The following DEPDC1 variants were observed in gnomAD, a reference collection of about 807,000 sequenced individuals.
The protein encoded by DEPDC1 is DEP domain containing 1.
DEPDC1 carries 66 observed loss-of-function variants against 86.8 expected under a neutral mutation model. That is an observed-to-expected ratio of 0.76 (90% CI 0.62 to 0.93). The LOEUF is 0.93. DEPDC1 is among the 40% of genes least tolerant of loss of function. DEPDC1 has a pLI of 0.00. For missense variants in DEPDC1, 792 were observed against 935.7 expected, an observed-to-expected ratio of 0.85 and a Z score of 2.00; for synonymous variants, 255 against 314.9, an observed-to-expected ratio of 0.81 and a Z score of 2.02.
rs752914529 is a variant in DEPDC1, at chr1:68,476,409, T to C, written c.*523A>G. 2 of 151,672 alleles carry C rather than the reference T, an allele frequency of 1.3e-5. No homozygotes were observed. The highest frequency in any genetic ancestry group is 3.0e-5 in the Non-Finnish European group (2 of 67,752). 9.4% of individuals were successfully genotyped at this position (151,672 alleles called of 1,614,324 possible). On this transcript the variant is annotated 3_prime_UTR_variant, in exon 12 of 12. Transcript: ENST00000456315. ...AATATACACATATTTTAAAAACACA[T>C]ACATATATATAAATAGATCAAAAGT...
chr1:68,481,628 ACCCCCCC>A lies in DEPDC1; in HGVS notation c.1763-23_1763-17del. 1 of 1,465,708 alleles carries A rather than the reference ACCCCCCC, an allele frequency of 6.8e-7. No individual in the cohort carries two copies. The highest frequency in any genetic ancestry group is 1.2e-5 in the South Asian group (1 of 82,000). 90.8% of individuals were successfully genotyped at this position (1,465,708 alleles called of 1,614,324 possible). A position where few individuals can be genotyped will look rare whatever the true frequency, so the allele number is the denominator to read the frequency against. ...TGCAGCAAGCCTAGAATACAAAAAT[ACCCCCCC>A]AAAAATCATCAATGACACTAGTTGC... On this transcript the variant is annotated splice_polypyrimidine_tract_variant and intron_variant, in intron 8 of 11. Transcript: ENST00000456315.
chr1:68,480,818 GA>G lies in DEPDC1; in HGVS notation c.1935+621del, dbSNP rs556551640. On this transcript the variant is annotated intron_variant, in intron 9 of 11. Coordinates refer to ENST00000456315, the MANE Select transcript of DEPDC1 (RefSeq NM_001114120.3). Reference sequence around the variant, plus strand: ...CATAACTCCGGATTCCTTGCTATAAGAACCTCTTGTAAATTGAAGTTGCATT... The same window carrying G: ...CATAACTCCGGATTCCTTGCTATAAGACCTCTTGTAAATTGAAGTTGCATT... Among the ~76,000 whole-genome samples the G allele has an allele frequency of 7.8e-4, 118 of 151,738 alleles. 1 individual carries two copies. The South Asian group carries it at 0.011, about 14-fold the overall frequency.
rs1418015170 is a variant in DEPDC1, at chr1:68,476,242, T to G, written c.*690A>C. 2 of 151,854 alleles carry G rather than the reference T, an allele frequency of 1.3e-5. No homozygotes were observed. Among genetic ancestry groups the G allele is most frequent in the Non-Finnish European group, 1.5e-5 (1 of 67,818 alleles). The allele number at this position is 151,854 out of a possible 1,614,324, so 9.4% of individuals were successfully genotyped here. ...AGTTGCTAAATAAATATCTTTTGAA[T>G]GAATATATGATTGCCTTATACTTCT... On this transcript the variant is annotated 3_prime_UTR_variant, in exon 12 of 12. Transcript: ENST00000456315.
chr1:68,494,408 C>CA (rs1285913625), intron 2 of DEPDC1, 22 bp downstream of exon 2: 1 of 1,591,920 alleles, frequency 6.3e-7, no homozygotes, highest in Admixed American at 1.7e-5. Flanking sequence ...TTCAGTTTTA[C>CA]AGTTACATAT....
chr1:68,489,661 T>G (rs945127240), intron 2 of DEPDC1, 53 bp from the exon 3 acceptor site: 18 of 1,391,782 alleles, frequency 1.3e-5, no homozygotes, highest in African/African-American at 3.1e-5. Flanking sequence ...AACAAACTTT[T>G]AGAGCCTATT....
At chr1:68,489,669 ATT>A in intron 2 of DEPDC1, 61 bp from the exon 3 acceptor site, 2 of 1,209,462 alleles carry the variant, frequency 1.7e-6, no homozygotes, top group East Asian at 3.0e-5. Flanking sequence ...TTTAGAGCCT[ATT>A]TTTTTTTTAA....
At position 68,482,164 on chromosome 1, in the gene DEPDC1, A is replaced by T. The variant is rs761756687; in HGVS notation, c.1644T>A (p.Ala548=). Residue 548 remains alanine (A), a synonymous_variant, in exon 8 of 12, where the codon GCT becomes GCA. Coordinates refer to ENST00000456315, the MANE Select transcript of DEPDC1 (RefSeq NM_001114120.3). ...TAGACTCTCCGAGTTCACTTTCCAT[A>T]GCTGTTTGCACACTTGTGCTGCCTT... ...VGQGSTSVQT[A]MESELGESSA... 3 of 1,613,002 alleles carry T rather than the reference A, an allele frequency of 1.9e-6. No homozygotes were observed. Among genetic ancestry groups the T allele is most frequent in the Non-Finnish European group, 2.5e-6 (3 of 1,179,232 alleles).
In DEPDC1 at chr1:68,482,029, G is replaced by C; in HGVS notation, c.1762+17C>G. 1 of 1,547,990 alleles carries C rather than the reference G, an allele frequency of 6.5e-7. No homozygotes were observed. The highest frequency in any genetic ancestry group is 8.7e-7 in the Non-Finnish European group (1 of 1,152,868). On this transcript the variant is annotated intron_variant, in intron 8 of 11. Coordinates refer to ENST00000456315, the MANE Select transcript of DEPDC1 (RefSeq NM_001114120.3). Reference sequence around the variant, plus strand: ...ACTCAAAGTTAATATTGCATGCATTGAAAGCAACAGCCTTACTTTGTGTGC... The same window carrying C: ...ACTCAAAGTTAATATTGCATGCATTCAAAGCAACAGCCTTACTTTGTGTGC...
intron 9 of DEPDC1, among the ~76,000 whole-genome samples, chr1:68,480,255 CA>C (rs72351452): frequency 0.28 from 19,852 of 71,838 alleles, 1,415 homozygotes; most frequent in Non-Finnish European, 0.32. Context: ...AACTGTACCA[CA>C]CACACACACA....
Position 68,496,077 on chromosome 1 carries a change from T to C in DEPDC1, c.48+875A>G, listed in dbSNP as rs1646262721. On this transcript the variant is annotated intron_variant, in intron 1 of 11. Transcript: ENST00000456315. The surrounding 1 kb of genome is among the most constrained non-coding windows in gnomAD (Gnocchi z 4.0). ...TGAATTCTAGCTCTGCCACTTGCTGTTGATGTGACTCTAGAGGGCATTTAA... is the reference window on the plus strand; with the variant it reads ...TGAATTCTAGCTCTGCCACTTGCTGCTGATGTGACTCTAGAGGGCATTTAA... Among the ~76,000 whole-genome samples the C allele has an allele frequency of 6.6e-6, 1 of 152,190 alleles. No individual in the cohort carries two copies. Among genetic ancestry groups the C allele is most frequent in the Non-Finnish European group, 1.5e-5 (1 of 68,034 alleles).
intron 10 of DEPDC1, 113 bp downstream of exon 10, chr1:68,479,031 A>G: frequency 1.2e-6 from 1 of 841,910 alleles, no homozygotes; most frequent in South Asian, 1.9e-5. Context: ...CCTGACTTTT[A>G]GAGGTTGTTT....
In DEPDC1 at chr1:68,488,486, A is replaced by C; in HGVS notation, c.609T>G (p.Gly203=). 1 of 1,605,542 alleles carries C rather than the reference A, an allele frequency of 6.2e-7. No individual in the cohort carries two copies. Among genetic ancestry groups the C allele is most frequent in the African/African-American group, 1.3e-5 (1 of 74,658 alleles). The change falls in exon 5 of 12, where the codon GGT becomes GGG. Residue 203 remains glycine (G), a synonymous_variant. Transcript: ENST00000456315. ...TTATGACTTCTTCTAGGGATGGCAC[A>C]CCTAAAATGGTTTGCAGGCTAAATA... ...VILIYLQTIL[G]VPSLEEVINP... is the part of the protein sequence containing the mutation.
chr1:68,486,898 AC>A, intron 6 of DEPDC1, 38 bp downstream of exon 6: 1 of 1,491,400 alleles, frequency 6.7e-7, no homozygotes, highest in Non-Finnish European at 8.9e-7. Flanking sequence ...ACACACACAC[AC>A]ACACACACAC....
chr1:68,484,800 T>C (rs1646182114), intron 6 of DEPDC1, among the ~76,000 whole-genome samples: 2 of 151,938 alleles, frequency 1.3e-5, no homozygotes, highest in South Asian at 4.1e-4. Context: ...CTATTAAAAA[T>C]ACAAAGTCCT....
rs1646272424 is a variant in DEPDC1, at chr1:68,497,067, T to A, written c.-68A>T. On this transcript the variant is annotated 5_prime_UTR_variant, in exon 1 of 12. Transcript: ENST00000456315. ...CACTCAGGCCCAGCGGCCGCGGCAG[T>A]GGCGAGTCTCGGCACAACCGTTGGC... 3.2e-6 allele frequency: 5 copies of A among 1,562,648 alleles called. No individual in the cohort carries two copies. Among genetic ancestry groups the A allele is most frequent in the Non-Finnish European group, 4.4e-6 (5 of 1,137,586 alleles).
chr1:68,485,336 T>C (rs1470380675), intron 6 of DEPDC1, among the ~76,000 whole-genome samples: 2 of 152,060 alleles, frequency 1.3e-5, no homozygotes, highest in African/African-American at 4.8e-5. Context: ...ATAGAATTTA[T>C]AGAGAATCTA....
In DEPDC1 at chr1:68,479,305, A is replaced by G. The variant is rs1190047008; in HGVS notation, c.1951T>C (p.Ser651Pro). The G allele has an allele frequency of 1.2e-6, 2 of 1,602,310 alleles. No homozygotes were observed. Among genetic ancestry groups the G allele is most frequent in the East Asian group, 4.5e-5 (2 of 44,606 alleles). The change falls in exon 10 of 12, where the codon TCT (serine) becomes CCT (proline). Residue 651 changes from serine to proline, a missense_variant. Coordinates refer to ENST00000456315, the MANE Select transcript of DEPDC1 (RefSeq NM_001114120.3). ...TCAGCACAGCATAACACACATCGAGAAAAGGTATGTATCATCTAGAAAAAT... is the reference window on the plus strand; with the variant it reads ...TCAGCACAGCATAACACACATCGAGGAAAGGTATGTATCATCTAGAAAAAT... The part of the protein sequence containing the change: ...GTRSLMIHTF[S>P]RCVLCCAEEV...
At chr1:68,492,792 A>T (rs1401910292) in intron 2 of DEPDC1, among the ~76,000 whole-genome samples, 1 of 152,184 alleles carries the variant, frequency 6.6e-6, no homozygotes, top group Non-Finnish European at 1.5e-5. Context: ...TCAGAGAACT[A>T]CTTAGGGAGC....
At chr1:68,487,059 C>A (rs577486718) in intron 5 of DEPDC1, 75 bp from the exon 6 acceptor site, 255 of 1,352,046 alleles carry the variant, frequency 1.9e-4, no homozygotes, top group Non-Finnish European at 2.5e-4. Flanking sequence ...ATCACACTTA[C>A]GTGCAATTAT....
Sources: gnomAD v4.1 joint callset for allele counts (sites outside exome capture counted in the v4.1 genomes callset) on GRCh38, gnomAD v4.1.1 for gene constraint, Gnocchi (gnomAD v3.1) non-coding constraint, MANE v1.5 for transcripts, NCBI Gene and HGNC (gene_info 2026-07-23, HGNC 2026-07-21) for gene names.